The following TASOR2 variants were observed in gnomAD, a reference collection of about 807,000 sequenced individuals.
TASOR2 encodes protein TASOR 2.
In TASOR2, 84 loss-of-function variants were observed where a neutral mutation model predicts 199.5. The observed-to-expected ratio is 0.42, with a 90% CI of 0.35 to 0.50. The LOEUF (loss-of-function observed/expected upper bound fraction) is 0.50. Ranked by LOEUF, TASOR2 falls within the 20% of genes least tolerant of loss-of-function variation. TASOR2 has a pLI of 0.02. For missense variants in TASOR2, 2,796 were observed against 2,835.9 expected (o/e 0.99, Z 0.32); for synonymous variants, 1,103 against 1,046.6 (o/e 1.05, Z -1.04).
In TASOR2 at chr10:5,730,141, C is replaced by G. The variant is rs190198312; in HGVS notation, c.488-346C>G. Among the ~76,000 whole-genome samples the G allele has an allele frequency of 1.2e-3, 179 of 152,302 alleles. 1 individual carries two copies. Among genetic ancestry groups the G allele is most frequent in the African/African-American group, 4.0e-3 (166 of 41,568 alleles). On this transcript the variant is annotated intron_variant, in intron 10 of 20. Transcript: ENST00000328090. The surrounding 1 kb of genome is among the most constrained non-coding windows in gnomAD (Gnocchi z 4.1). ...AAGTACGAAAGCAAATCTGCCAGCT[C>G]TAAAGACCAGTGGTACTGCTGTGAT...
chr10:5,747,619 T>C lies in TASOR2; in HGVS notation c.4198T>C (p.Ser1400Pro), dbSNP rs548531206. The C allele has an allele frequency of 1.9e-4, 299 of 1,614,194 alleles. 1 individual carries two copies. In the South Asian group the frequency reaches 3.1e-3, roughly 17 times the overall value. ...CTTTGATTCTGTAATTGAAGAAGTA[T>C]CACCAGCGTCTAGTCCTGAACCTCC... Residue 1400 changes from serine to proline, a missense_variant, in exon 15 of 21, where the codon TCA (serine) becomes CCA (proline). Ser to Pro is a moderately conservative substitution (Grantham distance 74, BLOSUM62 -1). This residue lies in a region of TASOR2 where 1,941 missense variants were observed against 1,924.9 expected (regional missense o/e 1.01). Coordinates refer to ENST00000328090, the Ensembl canonical transcript of TASOR2.
intron 19 of TASOR2, 126 bp from the exon 21 acceptor site, chr10:5,762,406 C>G (rs564722912): frequency 1.0e-5 from 4 of 398,656 alleles, no homozygotes; most frequent in Non-Finnish European, 1.8e-5. Context: ...GAACCCAACA[C>G]CTTTTCTCCC....
chr10:5,758,424 C>T (rs186098359), intron 17 of TASOR2, among the ~76,000 whole-genome samples: 3 of 152,118 alleles, frequency 2.0e-5, no homozygotes, highest in Non-Finnish European at 4.4e-5. Context: ...GCCTGTAGTC[C>T]CAGCTAAGGA....
chr10:5,735,520 C>G, exon 12 of TASOR2: 1 of 1,613,564 alleles, frequency 6.2e-7, no homozygotes, highest in Non-Finnish European at 8.5e-7. Flanking sequence ...AATGAGAACC[C>G]CAGAAACAGA....
intron 15 of TASOR2, among the ~76,000 whole-genome samples, chr10:5,753,641 T>A (rs959187563): frequency 2.6e-5 from 4 of 152,190 alleles, no homozygotes; most frequent in Non-Finnish European, 5.9e-5. Context: ...ATTACAGGCA[T>A]GAGCCACTCC....
At chr10:5,712,495 T>C (rs1206647352) in intron 1 of TASOR2, 19 of 1,231,668 alleles carry the variant, frequency 1.5e-5, no homozygotes, top group Non-Finnish European at 1.8e-5. Context: ...TGGTTTTCAG[T>C]ACAGTCAAGT....
Position 5,747,654 on chromosome 10 carries a change from TAA to T in TASOR2, c.4235_4236del (p.Lys1412ArgfsTer21). 6.2e-7 allele frequency: 1 copy of T among 1,614,154 alleles called. No individual in the cohort carries two copies. Among genetic ancestry groups the T allele is most frequent in the Non-Finnish European group, 8.5e-7 (1 of 1,180,018 alleles). On this transcript the variant is annotated frameshift_variant, in exon 15 of 21. Transcript: ENST00000328090. LOFTEE classifies it high-confidence loss of function. ...CTAGTCCTGAACCTCCAGTACCAGT[TAA>T]AGAGACACGACCATATCAGGCTGTG... is the stretch of plus-strand genomic sequence containing the variant.
chr10:5,695,694 C>G (rs768804330), intron 1 of TASOR2, among the ~76,000 whole-genome samples: 8 of 151,944 alleles, frequency 5.3e-5, no homozygotes, highest in Non-Finnish European at 1.2e-4. Context: ...CCACAAAGAT[C>G]AAGAGGAGGT....
intron 12 of TASOR2, 122 bp from the exon 14 acceptor site, chr10:5,739,496 T>C (rs1836079607): frequency 1.1e-6 from 1 of 877,326 alleles, no homozygotes; most frequent in Non-Finnish European, 1.7e-6. Flanking sequence ...AAAATTTTAA[T>C]ATGCAATATA....
intron 2 of TASOR2, among the ~76,000 whole-genome samples, chr10:5,715,827 G>A (rs984847860): frequency 1.3e-5 from 2 of 152,118 alleles, no homozygotes; most frequent in African/African-American, 4.8e-5. Context: ...ATTTTTAGTA[G>A]CGACTGGGTT....
chr10:5,762,890 G>A, intron 20 of TASOR2, 139 bp from the exon 22 acceptor site: 1 of 751,006 alleles, frequency 1.3e-6, no homozygotes, highest in Non-Finnish European at 2.1e-6. Context: ...TTCACTTGCT[G>A]TTAACTTGGA....
intron 1 of TASOR2, among the ~76,000 whole-genome samples, chr10:5,702,099 A>G (rs1278751427): frequency 6.6e-6 from 1 of 152,156 alleles, no homozygotes; most frequent in African/African-American, 2.4e-5. Flanking sequence ...TTGGTTTGTC[A>G]TATATGGCCT....
intron 19 of TASOR2, 64 bp from the exon 21 acceptor site, chr10:5,762,468 G>A: frequency 2.3e-6 from 1 of 425,910 alleles, no homozygotes; most frequent in Admixed American, 4.6e-5. Flanking sequence ...AAAAAACCAG[G>A]TCCTGTTATA....
chr10:5,761,277 G>C lies in TASOR2; in HGVS notation c.6993-13G>C. On this transcript the variant is annotated splice_polypyrimidine_tract_variant and intron_variant, in intron 18 of 20. Coordinates refer to ENST00000328090, the Ensembl canonical transcript of TASOR2. ...CTGAAAAATATTTTAATATGCCTAT[G>C]TATCTTTCACAGAGTGGATTCAACT... The C allele has an allele frequency of 6.2e-7, 1 of 1,604,596 alleles. No homozygotes were observed. Among genetic ancestry groups the C allele is most frequent in the Non-Finnish European group, 8.5e-7 (1 of 1,174,926 alleles).
chr10:5,737,290 GT>G lies in TASOR2; in HGVS notation c.1447+1754del, dbSNP rs980639174. Among the ~76,000 whole-genome samples the G allele has an allele frequency of 8.2e-5, 12 of 145,496 alleles. No homozygotes were observed. Among genetic ancestry groups the G allele is most frequent in the African/African-American group, 2.5e-4 (10 of 39,490 alleles). ...CAGGTTTGTTTTTTTTAGTTTTTTT[GT>G]TTTTTTTTTCAACTTAAGCATACCC... is the stretch of plus-strand genomic sequence containing the variant. On this transcript the variant is annotated intron_variant, in intron 12 of 20. Transcript: ENST00000328090. This position sits in a 1 kb window ranked among gnomAD's most constrained non-coding sequence, Gnocchi z 4.9.
chr10:5,758,783 A>G, intron 17 of TASOR2, 104 bp from the exon 19 acceptor site: 1 of 778,820 alleles, frequency 1.3e-6, no homozygotes, highest in South Asian at 1.7e-5. Flanking sequence ...CATGGGTCTT[A>G]GTCTGTTTTT....
In TASOR2 at chr10:5,740,106, C is replaced by A; in HGVS notation, c.1936C>A (p.Gln646Lys). 6.2e-7 allele frequency: 1 copy of A among 1,614,070 alleles called. No homozygotes were observed. The highest frequency in any genetic ancestry group is 8.5e-7 in the Non-Finnish European group (1 of 1,180,012). ...AATGCTAGAATCTTCAGATGCAAGC[C>A]AAAGCTCTTCTGTTTCTGTGGAACA... Residue 646 changes from glutamine to lysine, a missense_variant, in exon 13 of 21, where the codon CAA (glutamine) becomes AAA (lysine). Transcript: ENST00000328090. The surrounding 1 kb of genome is among the most constrained non-coding windows in gnomAD (Gnocchi z 5.3).
chr10:5,744,245 T>A (rs1836841149), intron 14 of TASOR2, among the ~76,000 whole-genome samples: 1 of 152,198 alleles, frequency 6.6e-6, no homozygotes, highest in Non-Finnish European at 1.5e-5. Context: ...TCTAATACTT[T>A]GTTCTCTTAA....
chr10:5,709,296 G>T (rs1022036548), intron 1 of TASOR2, among the ~76,000 whole-genome samples: 3 of 152,034 alleles, frequency 2.0e-5, no homozygotes, highest in African/African-American at 7.2e-5. Context: ...ATATATTTCT[G>T]TGTACAAAAT....
Sources: allele counts gnomAD v4.1 joint callset (sites outside exome capture counted in the v4.1 genomes callset), GRCh38; gene constraint gnomAD v4.1.1; regional missense constraint gnomAD v4.1.1; non-coding constraint Gnocchi (gnomAD v3.1); transcripts MANE v1.5; gene names NCBI Gene and HGNC (gene_info 2026-07-23, HGNC 2026-07-21).